PLPP4: variants seen among roughly 807,000 people sequenced by gnomAD.
PLPP4 encodes the protein phospholipid phosphatase 4, also known as diacylglycerol pyrophosphate like 2.
Under a neutral mutation model 32.2 loss-of-function variants are expected in PLPP4, and 20 were observed. The observed-to-expected ratio is 0.62, with a 90% CI of 0.44 to 0.90. The LOEUF is 0.90. PLPP4 is among the 40% of genes least tolerant of loss of function. PLPP4 has a pLI of 0.00. For synonymous variants in PLPP4, 127 were observed against 133.0 expected, an observed-to-expected ratio of 0.95 and a Z score of 0.31; for missense variants, 257 against 353.1, an observed-to-expected ratio of 0.73 and a Z score of 2.18.
intron 5 of PLPP4, among the ~76,000 whole-genome samples, chr10:120,565,081 A>G (rs1848622452): frequency 6.6e-6 from 1 of 152,200 alleles, no homozygotes; most frequent in East Asian, 1.9e-4. Context: ...TGAGCAATGT[A>G]AGAACATTAA....
intron 1 of PLPP4, among the ~76,000 whole-genome samples, chr10:120,462,641 C>T (rs1022423920): frequency 6.6e-6 from 1 of 152,234 alleles, no homozygotes; most frequent in Non-Finnish European, 1.5e-5. Flanking sequence ...CTGCATCAGT[C>T]CAAAGCAAAG....
chr10:120,465,245 G>T (rs552856868), intron 1 of PLPP4, among the ~76,000 whole-genome samples: 1 of 152,312 alleles, frequency 6.6e-6, no homozygotes, highest in East Asian at 1.9e-4. Flanking sequence ...CAGTGAGGAA[G>T]CTCCTTCAGA....
chr10:120,568,005 G>A (rs1426656515), intron 5 of PLPP4, among the ~76,000 whole-genome samples: 2 of 152,172 alleles, frequency 1.3e-5, no homozygotes, highest in Admixed American at 6.5e-5. Flanking sequence ...AGGAAATCTT[G>A]GAAAGCCACC....
chr10:120,572,787 A>G (rs371619002), intron 5 of PLPP4, among the ~76,000 whole-genome samples: 25 of 152,346 alleles, frequency 1.6e-4, no homozygotes, highest in African/African-American at 5.8e-4. Context: ...GAAGGAACAG[A>G]GCAAAGGGGA....
chr10:120,466,080 G>A (rs920335436), intron 1 of PLPP4, among the ~76,000 whole-genome samples: 2 of 152,040 alleles, frequency 1.3e-5, no homozygotes, highest in African/African-American at 4.8e-5. Context: ...AGTTCTTAAG[G>A]AAGGATTTGG....
intron 5 of PLPP4, among the ~76,000 whole-genome samples, chr10:120,553,142 C>A (rs1847987135): frequency 6.6e-6 from 1 of 152,188 alleles, no homozygotes; most frequent in Non-Finnish European, 1.5e-5. Flanking sequence ...TCGGCCAAAT[C>A]CTGGTGGGAG....
rs1220496598 is a variant in PLPP4 at position 120,504,565 on chromosome 10, A to G, written c.165+639A>G. ...GCTAAAGTGTAAGAACTAACAGTTG[A>G]TAGGAGGCTTTAGAGTAAGAAGCTA... On this transcript the variant is annotated intron_variant, in intron 2 of 6. Coordinates refer to ENST00000398250, the MANE Select transcript of PLPP4 (RefSeq NM_001030059.3). 2.0e-5 allele frequency among the ~76,000 whole-genome samples: 3 copies of G among 152,374 alleles called. No homozygotes were observed. The East Asian group carries it at 5.8e-4, about 29-fold the overall frequency.
intron 5 of PLPP4, among the ~76,000 whole-genome samples, chr10:120,560,481 G>A (rs1848381584): frequency 6.6e-6 from 1 of 152,318 alleles, no homozygotes; most frequent in South Asian, 2.1e-4. Flanking sequence ...CAGACTGGGC[G>A]CAGTGGCTCA....
In PLPP4 at chr10:120,480,633, C is replaced by T. The variant is rs562113486; in HGVS notation, c.57-23185C>T. ...GCCACCAATGACGGGAGAGGACTGG[C>T]TTGAAGGCAGTTTGTGGAATTAGTA... On this transcript the variant is annotated intron_variant, in intron 1 of 6. Transcript: ENST00000398250. 2.6e-5 allele frequency among the ~76,000 whole-genome samples: 4 copies of T among 152,288 alleles called. No individual in the cohort carries two copies. The East Asian group carries it at 5.8e-4, about 22-fold the overall frequency.
At chr10:120,572,532 G>A (rs748466878) in intron 5 of PLPP4, among the ~76,000 whole-genome samples, 19 of 152,228 alleles carry the variant, frequency 1.2e-4, no homozygotes, top group Non-Finnish European at 2.6e-4. Context: ...CAACACCCAA[G>A]GCTGCCTCTC....
chr10:120,528,069 GTT>G (rs35501001), intron 5 of PLPP4, among the ~76,000 whole-genome samples: 8 of 84,270 alleles, frequency 9.5e-5, no homozygotes, highest in Non-Finnish European at 1.3e-4. Context: ...ACCACTCTCC[GTT>G]TTTTTTTTTT....
At chr10:120,519,621 C>T (rs1475749802) in intron 4 of PLPP4, among the ~76,000 whole-genome samples, 2 of 152,088 alleles carry the variant, frequency 1.3e-5, no homozygotes, top group African/African-American at 2.4e-5. Flanking sequence ...CCTCACCCCT[C>T]TGAGGTTCTG....
At chr10:120,521,559 A>G (rs1846157444) in intron 5 of PLPP4, among the ~76,000 whole-genome samples, 1 of 152,204 alleles carries the variant, frequency 6.6e-6, no homozygotes, top group Admixed American at 6.5e-5. Context: ...CCTCCAGTTT[A>G]TAGTCTGACT....
intron 5 of PLPP4, among the ~76,000 whole-genome samples, chr10:120,530,642 A>G (rs375392566): frequency 2.2e-4 from 34 of 152,206 alleles, no homozygotes; most frequent in African/African-American, 8.2e-4. Flanking sequence ...TAGTGGACAT[A>G]TGTTGTCACT....
intron 5 of PLPP4, among the ~76,000 whole-genome samples, chr10:120,541,485 C>T (rs1847337078): frequency 6.6e-6 from 1 of 152,194 alleles, no homozygotes. Context: ...GCTACAAATC[C>T]TTCAGTCCAG....
At chr10:120,561,961 GCCTTGAGAC>G (rs1001053726) in intron 5 of PLPP4, among the ~76,000 whole-genome samples, 1 of 152,120 alleles carries the variant, frequency 6.6e-6, no homozygotes, top group Non-Finnish European at 1.5e-5. Context: ...GCTATTCTCA[GCCTTGAGAC>G]CCATTTTGTC....
At chr10:120,465,538 A>G (rs1292428275) in intron 1 of PLPP4, among the ~76,000 whole-genome samples, 1 of 152,254 alleles carries the variant, frequency 6.6e-6, no homozygotes, top group Non-Finnish European at 1.5e-5. Context: ...CTAGAAAGGT[A>G]GCAGTCTGCC....
At chr10:120,556,278 A>T (rs1443191467) in intron 5 of PLPP4, among the ~76,000 whole-genome samples, 2 of 152,126 alleles carry the variant, frequency 1.3e-5, no homozygotes, top group African/African-American at 4.8e-5. Flanking sequence ...CTGGGGGGTA[A>T]TTCTTCTAGT....
chr10:120,539,514 A>C (rs1847237110), intron 5 of PLPP4, among the ~76,000 whole-genome samples: 1 of 152,022 alleles, frequency 6.6e-6, no homozygotes, highest in Non-Finnish European at 1.5e-5. Context: ...TAACATGAAC[A>C]CCTGTGAGTT....
Sources: allele counts gnomAD v4.1 joint callset (sites outside exome capture counted in the v4.1 genomes callset), GRCh38; gene constraint gnomAD v4.1.1; transcripts MANE v1.5; gene names NCBI Gene and HGNC (gene_info 2026-07-23, HGNC 2026-07-21).